The following SDK1 variants were observed in gnomAD, a reference collection of about 807,000 sequenced individuals.
The protein encoded by SDK1 is protein sidekick-1.
SDK1 carries 157 observed loss-of-function variants against 245.5 expected under a neutral mutation model. The ratio of observed to expected loss-of-function variants is 0.64; its 90% confidence interval spans 0.56 to 0.73. The LOEUF is 0.73. SDK1 is among the 30% of genes least tolerant of loss of function. SDK1 has a pLI of 0.00. For synonymous variants in SDK1, 1,647 were observed against 1,278.5 expected, an observed-to-expected ratio of 1.29 and a Z score of -6.15; for missense variants, 3,583 against 3,002.3, an observed-to-expected ratio of 1.19 and a Z score of -4.52.
chr7:3,686,926 T>TG (rs1245112367), intron 4 of SDK1, among the ~76,000 whole-genome samples: 1 of 152,094 alleles, frequency 6.6e-6, no homozygotes, highest in African/African-American at 2.4e-5. Flanking sequence ...AGGCAGGTAG[T>TG]GGCCCTGGAG....
intron 5 of SDK1, among the ~76,000 whole-genome samples, chr7:3,868,921 G>A (rs1780887871): frequency 6.6e-6 from 1 of 152,122 alleles, no homozygotes; most frequent in Non-Finnish European, 1.5e-5. Flanking sequence ...CAGTATCATT[G>A]CTCCGTATGA....
At chr7:3,355,073 C>G (rs529281337) in intron 1 of SDK1, among the ~76,000 whole-genome samples, 95 of 152,240 alleles carry the variant, frequency 6.2e-4, no homozygotes, top group African/African-American at 2.2e-3. Flanking sequence ...CAAATCTAGT[C>G]TTTTCTTAGT....
chr7:4,083,851 C>G (rs1266929953), intron 22 of SDK1, among the ~76,000 whole-genome samples: 7 of 146,290 alleles, frequency 4.8e-5, no homozygotes, highest in Non-Finnish European at 1.0e-4. Context: ...CTGTCTGTCT[C>G]CCTCCCTCCC....
chr7:3,329,404 G>C (rs912130431), intron 1 of SDK1, among the ~76,000 whole-genome samples: 12 of 152,042 alleles, frequency 7.9e-5, no homozygotes, highest in African/African-American at 2.9e-4. Context: ...TTCATCTATT[G>C]AAAGTGTACA....
chr7:3,638,645 G>T (rs887386020), intron 2 of SDK1, among the ~76,000 whole-genome samples: 1 of 103,200 alleles, frequency 9.7e-6, no homozygotes, highest in Non-Finnish European at 1.9e-5. Context: ...GGGGTGGGGG[G>T]AGGGGGGAGG....
chr7:4,210,230 A>G, intron 38 of SDK1, 68 bp downstream of exon 38: 3 of 1,359,888 alleles, frequency 2.2e-6, no homozygotes, highest in South Asian at 1.9e-5. Flanking sequence ...CAGTCTACAC[A>G]GTGAGCCGCA....
chr7:3,398,335 A>G (rs114186898), intron 1 of SDK1, among the ~76,000 whole-genome samples: 40 of 152,238 alleles, frequency 2.6e-4, no homozygotes, highest in African/African-American at 9.4e-4. Context: ...GAGAGGAAAC[A>G]TTCTATAATC....
chr7:3,538,447 C>G (rs931820782), intron 1 of SDK1, among the ~76,000 whole-genome samples: 2 of 152,164 alleles, frequency 1.3e-5, no homozygotes, highest in African/African-American at 4.8e-5. Flanking sequence ...CACTCTGAGG[C>G]AAGTTCAGAA....
chr7:4,029,207 A>C (rs1386773446), intron 17 of SDK1, among the ~76,000 whole-genome samples: 1 of 104,590 alleles, frequency 9.6e-6, no homozygotes, highest in Non-Finnish European at 1.8e-5. Context: ...TCTTTCTTTT[A>C]TTCTTTCTTT....
rs909759709 is a variant in SDK1, at chr7:4,017,243, G to T, written c.2493G>T (p.Leu831=). 2 of 1,613,994 alleles carry T rather than the reference G, an allele frequency of 1.2e-6. No homozygotes were observed. Among genetic ancestry groups the T allele is most frequent in the African/African-American group, 2.7e-5 (2 of 74,904 alleles). The change falls in exon 17 of 45, where the codon CTG becomes CTT. Residue 831 remains leucine, a synonymous_variant. Transcript: ENST00000404826. ...NITSPEVNYC[L]VTDLIIWTQY... is the part of the protein sequence containing the mutation. ...CCAGCCCGGAGGTGAACTACTGCCT[G>T]GTGACAGACCTGATCATCTGGACAC...
chr7:4,104,730 G>A lies in SDK1; in HGVS notation c.3325-5933G>A, dbSNP rs117715911. 9.4e-3 allele frequency among the ~76,000 whole-genome samples: 1,430 copies of A among 152,232 alleles called. 115 individuals carry two copies. In the East Asian group the frequency reaches 0.21, roughly 22 times the overall value. On this transcript the variant is annotated intron_variant, in intron 22 of 44. Transcript: ENST00000404826. ...TTTATTTATTTATTTTTGAGGCAGG[G>A]TCTCACTCTGTCATCCAGGCTGGAG...
intron 4 of SDK1, among the ~76,000 whole-genome samples, chr7:3,696,879 A>G (rs1421390617): frequency 1.3e-5 from 2 of 152,018 alleles, no homozygotes; most frequent in Non-Finnish European, 2.9e-5. Context: ...AGTAGATAGG[A>G]GACCTCTGAT....
At chr7:3,540,014 T>G (rs1471847591) in intron 1 of SDK1, among the ~76,000 whole-genome samples, 3 of 152,244 alleles carry the variant, frequency 2.0e-5, no homozygotes, top group African/African-American at 7.2e-5. Flanking sequence ...ATATCTTTAC[T>G]TTTCATTTCA....
intron 4 of SDK1, among the ~76,000 whole-genome samples, chr7:3,792,904 A>T (rs1374279671): frequency 6.6e-6 from 1 of 152,222 alleles, no homozygotes; most frequent in Non-Finnish European, 1.5e-5. Flanking sequence ...GTTTTAACAT[A>T]GAAAGCTTAA....
intron 1 of SDK1, among the ~76,000 whole-genome samples, chr7:3,370,412 G>A (rs146957454): frequency 6.6e-6 from 1 of 152,308 alleles, no homozygotes; most frequent in East Asian, 1.9e-4. Flanking sequence ...TCACAGTGGT[G>A]TGAAAAAGTA....
At chr7:4,131,375 G>A (rs538370372) in intron 27 of SDK1, among the ~76,000 whole-genome samples, 1 of 152,204 alleles carries the variant, frequency 6.6e-6, no homozygotes, top group African/African-American at 2.4e-5. Context: ...GTCAGCGTTT[G>A]CGTATCTGTG....
chr7:3,707,968 A>G (rs961717284), intron 4 of SDK1, among the ~76,000 whole-genome samples: 4 of 152,188 alleles, frequency 2.6e-5, no homozygotes, highest in Non-Finnish European at 5.9e-5. Flanking sequence ...TCTCATTGCT[A>G]TAAAGAAATA....
intron 1 of SDK1, among the ~76,000 whole-genome samples, chr7:3,509,953 G>T (rs1381092427): frequency 6.6e-6 from 1 of 152,142 alleles, no homozygotes; most frequent in African/African-American, 2.4e-5. Flanking sequence ...ATTAAATGAA[G>T]GTCTCCGAGT....
chr7:4,259,498 C>A (rs1302670310), intron 44 of SDK1, among the ~76,000 whole-genome samples: 1 of 152,100 alleles, frequency 6.6e-6, no homozygotes, highest in Non-Finnish European at 1.5e-5. Context: ...TAGCTGAAAC[C>A]CTTGAGGCTA....
Sources: gnomAD v4.1 joint callset for allele counts (sites outside exome capture counted in the v4.1 genomes callset) on GRCh38, gnomAD v4.1.1 for gene constraint, MANE v1.5 for transcripts, NCBI Gene and HGNC (gene_info 2026-07-23, HGNC 2026-07-21) for gene names.